The following GNA14 variants were observed in gnomAD, a reference collection of about 807,000 sequenced individuals.
GNA14 encodes the protein G protein subunit alpha 14, also known as guanine nucleotide-binding protein subunit alpha-14.
GNA14 carries 50 observed loss-of-function variants against 42.0 expected under a neutral mutation model. The ratio of observed to expected loss-of-function variants is 1.19; its 90% confidence interval spans 0.95 to 1.51. The LOEUF is 1.51. Among genes scored for constraint, GNA14 ranks in the 40% most tolerant of loss-of-function variants. The pLI is 0.00. For synonymous variants in GNA14, 173 were observed against 163.1 expected (o/e 1.06, Z -0.46); for missense variants, 473 against 446.2 (o/e 1.06, Z -0.54).
intron 1 of GNA14, among the ~76,000 whole-genome samples, chr9:77,608,002 C>G (rs1339509656): frequency 6.6e-6 from 1 of 152,150 alleles, no homozygotes; most frequent in Non-Finnish European, 1.5e-5. Flanking sequence ...CCATAATATT[C>G]TTCCTCTGGG....
chr9:77,592,657 G>C (rs1144431), intron 1 of GNA14, among the ~76,000 whole-genome samples: 74,419 of 152,098 alleles, frequency 0.49, 19,071 homozygotes, highest in East Asian at 0.66. Context: ...ATTCGAGTTT[G>C]TAATCTCTGA....
chr9:77,429,320 C>A lies in GNA14; in HGVS notation c.594-284G>T, dbSNP rs117567159. ...GTTAGGAAGCTAACCAGTGTCCAGA[C>A]AGAAAACGCAAACGTTCACTTGGGT... On this transcript the variant is annotated intron_variant, in intron 4 of 6. Coordinates refer to ENST00000341700, the MANE Select transcript of GNA14 (RefSeq NM_004297.4). 3.5e-3 allele frequency among the ~76,000 whole-genome samples: 540 copies of A among 152,246 alleles called. 2 individuals carry two copies. The highest frequency in any genetic ancestry group is 4.9e-3 in the Non-Finnish European group (331 of 68,020).
At chr9:77,646,711 T>C (rs988058821) in intron 1 of GNA14, among the ~76,000 whole-genome samples, 1 of 152,196 alleles carries the variant, frequency 6.6e-6, no homozygotes, top group Non-Finnish European at 1.5e-5. Context: ...TAGAAAAAAA[T>C]TGACAGCTGA....
intron 2 of GNA14, among the ~76,000 whole-genome samples, chr9:77,457,719 C>T (rs1019055227): frequency 6.6e-5 from 10 of 152,272 alleles, no homozygotes; most frequent in Admixed American, 6.5e-4. Context: ...CTCACGCCGC[C>T]CAGCCTGCTA....
chr9:77,466,574 T>C (rs1273911032), intron 2 of GNA14, among the ~76,000 whole-genome samples: 2 of 152,306 alleles, frequency 1.3e-5, no homozygotes, highest in South Asian at 4.1e-4. Context: ...CTTTGAAGTT[T>C]TTGTTTGCAA....
intron 2 of GNA14, among the ~76,000 whole-genome samples, chr9:77,509,812 G>A (rs1837130795): frequency 6.6e-6 from 1 of 152,146 alleles, no homozygotes. Flanking sequence ...CCAACCTAAT[G>A]CAATGACAAG....
chr9:77,609,616 C>T (rs1273564652), intron 1 of GNA14, among the ~76,000 whole-genome samples: 5 of 152,160 alleles, frequency 3.3e-5, no homozygotes, highest in African/African-American at 1.2e-4. Flanking sequence ...AAATTTATTT[C>T]CCACAGTTTG....
At chr9:77,549,436 A>G (rs1194172567) in intron 1 of GNA14, among the ~76,000 whole-genome samples, 1 of 152,180 alleles carries the variant, frequency 6.6e-6, no homozygotes, top group Non-Finnish European at 1.5e-5. Flanking sequence ...TTTTCAAGCT[A>G]GAACTATCAC....
At chr9:77,508,918 G>C (rs536621486) in intron 2 of GNA14, among the ~76,000 whole-genome samples, 6 of 152,250 alleles carry the variant, frequency 3.9e-5, no homozygotes, top group Middle Eastern at 6.8e-3. Flanking sequence ...GAAGAAATAA[G>C]AACTTAGTGA....
At chr9:77,498,373 C>CAAAAAAAA (rs766816001) in intron 2 of GNA14, among the ~76,000 whole-genome samples, 54 of 54,034 alleles carry the variant, frequency 1.0e-3, no homozygotes, top group African/African-American at 2.3e-3. Context: ...AAGTCTGTCT[C>CAAAAAAAA]AAAAAAAAAA....
chr9:77,613,375 G>A (rs899833971), intron 1 of GNA14, among the ~76,000 whole-genome samples: 35 of 152,214 alleles, frequency 2.3e-4, no homozygotes, highest in African/African-American at 8.4e-4. Flanking sequence ...AATGGCAGTT[G>A]CCAGGGAGTA....
chr9:77,556,237 C>A (rs914483623), intron 1 of GNA14, among the ~76,000 whole-genome samples: 1 of 152,106 alleles, frequency 6.6e-6, no homozygotes, highest in Admixed American at 6.6e-5. Context: ...ATGTGAGACT[C>A]CATTTCAAAT....
chr9:77,471,210 C>T (rs1042343328), intron 2 of GNA14, among the ~76,000 whole-genome samples: 12 of 152,014 alleles, frequency 7.9e-5, no homozygotes, highest in African/African-American at 2.9e-4. Context: ...AACGCTGGGG[C>T]CAATTAAGGA....
At chr9:77,479,197 G>A (rs1836494844) in intron 2 of GNA14, among the ~76,000 whole-genome samples, 1 of 152,096 alleles carries the variant, frequency 6.6e-6, no homozygotes, top group Admixed American at 6.6e-5. Context: ...ATTAATTTTT[G>A]TATAAGGTGT....
intron 1 of GNA14, among the ~76,000 whole-genome samples, chr9:77,609,742 G>GA (rs1443239602): frequency 1.3e-5 from 2 of 152,106 alleles, no homozygotes; most frequent in East Asian, 1.9e-4. Context: ...TTGGGGTTCA[G>GA]AAAAAAATCC....
chr9:77,489,368 AT>A (rs1423479064), intron 2 of GNA14, among the ~76,000 whole-genome samples: 3 of 152,376 alleles, frequency 2.0e-5, no homozygotes, highest in African/African-American at 7.2e-5. Flanking sequence ...ATTTAAAAAA[AT>A]AACAGAAAAC....
chr9:77,502,847 A>C (rs7041711), intron 2 of GNA14, among the ~76,000 whole-genome samples: 93,688 of 151,892 alleles, frequency 0.62, 30,242 homozygotes, highest in East Asian at 0.84. Flanking sequence ...TGTTTGGCTA[A>C]AGCAGGGTGG....
At chr9:77,519,395 G>A (rs11145455) in intron 2 of GNA14, among the ~76,000 whole-genome samples, 19,665 of 151,832 alleles carry the variant, frequency 0.13, 1,352 homozygotes, top group South Asian at 0.19. Context: ...TGGGTGACAC[G>A]GCGAGACTCT....
At chr9:77,438,154 C>G (rs886854078) in intron 2 of GNA14, among the ~76,000 whole-genome samples, 7 of 152,146 alleles carry the variant, frequency 4.6e-5, no homozygotes, top group African/African-American at 1.7e-4. Flanking sequence ...GCAGAGAGCT[C>G]AGCCTCTTTG....
Sources: gnomAD v4.1 joint callset for allele counts (sites outside exome capture counted in the v4.1 genomes callset) on GRCh38, gnomAD v4.1.1 for gene constraint, MANE v1.5 for transcripts, NCBI Gene and HGNC (gene_info 2026-07-23, HGNC 2026-07-21) for gene names.